WWC1: variants seen among roughly 807,000 people sequenced by gnomAD.
The protein encoded by WWC1 is protein KIBRA.
Under a neutral mutation model 138.4 loss-of-function variants are expected in WWC1, and 55 were observed. The ratio of observed to expected loss-of-function variants is 0.40; its 90% CI spans 0.32 to 0.50. WWC1 has a LOEUF of 0.50. Among genes scored for constraint, WWC1 ranks in the 20% least tolerant of loss-of-function variants. The pLI is 0.72. For synonymous variants in WWC1, 524 were observed against 564.9 expected, an observed-to-expected ratio of 0.93 and a Z score of 1.03; for missense variants, 1,226 against 1,420.4, an observed-to-expected ratio of 0.86 and a Z score of 2.20.
At chr5:168,316,237 A>C (rs1390051396) in intron 1 of WWC1, among the ~76,000 whole-genome samples, 2 of 152,198 alleles carry the variant, frequency 1.3e-5, no homozygotes, top group African/African-American at 4.8e-5. Flanking sequence ...AAACAAAGAT[A>C]CCAGCAGCCC....
At chr5:168,465,353 C>T (rs943611966) in intron 21 of WWC1, among the ~76,000 whole-genome samples, 7 of 152,040 alleles carry the variant, frequency 4.6e-5, no homozygotes, top group Admixed American at 1.3e-4. Context: ...CCCAGGAAGT[C>T]CCACAGGGCA....
At chr5:168,336,468 A>C (rs1036131286) in intron 1 of WWC1, among the ~76,000 whole-genome samples, 2 of 147,216 alleles carry the variant, frequency 1.4e-5, no homozygotes, top group Non-Finnish European at 3.0e-5. Context: ...GCTACTAGGG[A>C]GGCTGAGGCA....
chr5:168,399,964 C>T (rs1408310724), intron 5 of WWC1, among the ~76,000 whole-genome samples: 1 of 152,098 alleles, frequency 6.6e-6, no homozygotes, highest in Non-Finnish European at 1.5e-5. Context: ...TTTCCATATC[C>T]CCTAAAAGCA....
intron 2 of WWC1, among the ~76,000 whole-genome samples, chr5:168,381,398 G>A (rs1356350079): frequency 6.6e-6 from 1 of 152,128 alleles, no homozygotes; most frequent in Admixed American, 6.5e-5. Flanking sequence ...CAGCACCTGG[G>A]CAGGCGATTC....
At chr5:168,338,792 A>G (rs1021431315) in intron 1 of WWC1, among the ~76,000 whole-genome samples, 2 of 152,216 alleles carry the variant, frequency 1.3e-5, no homozygotes, top group African/African-American at 4.8e-5. Context: ...AGTTGATCTC[A>G]TAGAAGTAAA....
At chr5:168,313,232 C>T (rs1240194683) in intron 1 of WWC1, among the ~76,000 whole-genome samples, 4 of 152,112 alleles carry the variant, frequency 2.6e-5, no homozygotes, top group Non-Finnish European at 5.9e-5. Flanking sequence ...GTGATTCCTA[C>T]CCTCTTGCTA....
chr5:168,449,811 G>A (rs1025717280), intron 17 of WWC1, among the ~76,000 whole-genome samples: 1 of 152,034 alleles, frequency 6.6e-6, no homozygotes, highest in African/African-American at 2.4e-5. Context: ...CCGACCTCAG[G>A]TGATCCACCT....
intron 1 of WWC1, among the ~76,000 whole-genome samples, chr5:168,293,151 C>T (rs748857658): frequency 6.6e-6 from 1 of 152,198 alleles, no homozygotes; most frequent in Non-Finnish European, 1.5e-5. Flanking sequence ...GTGGCTCTTA[C>T]CTCTCCAGAC....
At chr5:168,456,172 C>T (rs1756298408) in intron 19 of WWC1, among the ~76,000 whole-genome samples, 1 of 152,008 alleles carries the variant, frequency 6.6e-6, no homozygotes, top group African/African-American at 2.4e-5. Context: ...GGCATGGTGG[C>T]ATGCACTTGT....
intron 3 of WWC1, among the ~76,000 whole-genome samples, 165 bp from the exon 4 acceptor site, chr5:168,397,559 G>T (rs998699519): frequency 6.6e-6 from 1 of 152,020 alleles, no homozygotes; most frequent in Non-Finnish European, 1.5e-5. Flanking sequence ...CGTAGTCCCC[G>T]TTTGCGCGTG....
intron 1 of WWC1, among the ~76,000 whole-genome samples, chr5:168,300,012 A>G (rs1437252324): frequency 6.6e-6 from 1 of 152,156 alleles, no homozygotes; most frequent in Non-Finnish European, 1.5e-5. Context: ...CCCTATCACC[A>G]GCTCCTCGCT....
intron 1 of WWC1, among the ~76,000 whole-genome samples, chr5:168,297,885 C>T (rs1016425311): frequency 2.6e-5 from 4 of 152,148 alleles, no homozygotes; most frequent in African/African-American, 9.7e-5. Context: ...CATCGTGCGT[C>T]ACAATCATTT....
At chr5:168,302,445 G>T (rs1293963841) in intron 1 of WWC1, among the ~76,000 whole-genome samples, 3 of 152,220 alleles carry the variant, frequency 2.0e-5, no homozygotes, top group African/African-American at 4.8e-5. Context: ...ATGACTGGGG[G>T]TTTGATGTTC....
At chr5:168,450,532 G>A (rs377361973) in intron 17 of WWC1, among the ~76,000 whole-genome samples, 4 of 152,004 alleles carry the variant, frequency 2.6e-5, no homozygotes, top group South Asian at 4.2e-4. Flanking sequence ...TTGGCATGGC[G>A]GCACGTGCCT....
chr5:168,406,719 A>G (rs986324819), intron 6 of WWC1, among the ~76,000 whole-genome samples: 1 of 151,752 alleles, frequency 6.6e-6, no homozygotes, highest in African/African-American at 2.4e-5. Context: ...AGGCGGGCGG[A>G]TCATGGGGTC....
chr5:168,456,439 C>T (rs1359291560), intron 19 of WWC1, among the ~76,000 whole-genome samples: 1 of 152,152 alleles, frequency 6.6e-6, no homozygotes, highest in Non-Finnish European at 1.5e-5. Context: ...TCGAGACCAG[C>T]CTGGCCCACA....
At chr5:168,304,128 G>A (rs1199919363) in intron 1 of WWC1, among the ~76,000 whole-genome samples, 1 of 152,186 alleles carries the variant, frequency 6.6e-6, no homozygotes, top group Non-Finnish European at 1.5e-5. Context: ...AAGTTCCACT[G>A]ACCAGGCAGT....
intron 19 of WWC1, among the ~76,000 whole-genome samples, chr5:168,457,930 A>G (rs1384002702): frequency 6.6e-6 from 1 of 152,204 alleles, no homozygotes; most frequent in Non-Finnish European, 1.5e-5. Context: ...GACAATAGTA[A>G]TAGACTTGGG....
At chr5:168,458,916 G>A (rs566138067) in intron 19 of WWC1, among the ~76,000 whole-genome samples, 3 of 152,108 alleles carry the variant, frequency 2.0e-5, no homozygotes, top group South Asian at 2.1e-4. Context: ...ATTTCTGGTC[G>A]GTAGGACACA....
Sources: gnomAD v4.1 joint callset for allele counts (sites outside exome capture counted in the v4.1 genomes callset) on GRCh38, gnomAD v4.1.1 for gene constraint, MANE v1.5 for transcripts, NCBI Gene and HGNC (gene_info 2026-07-23, HGNC 2026-07-21) for gene names.